MED23: variants seen among roughly 807,000 people sequenced by gnomAD.
MED23 encodes the protein mediator complex subunit 23.
A neutral mutation model predicts 163.9 loss-of-function variants in MED23; 105 were observed. The ratio of observed to expected loss-of-function variants is 0.64; its 90% CI spans 0.55 to 0.75. The LOEUF (loss-of-function observed/expected upper bound fraction) is 0.75, where lower values mean the gene tolerates loss of function less well. Among genes scored for constraint, MED23 ranks in the 30% least tolerant of loss-of-function variants. The pLI, the probability that MED23 is intolerant of heterozygous loss-of-function variation, is 0.00. For synonymous variants in MED23, 561 were observed against 565.6 expected (o/e 0.99, Z 0.12); for missense variants, 1,054 against 1,649.0 (o/e 0.64, Z 6.25).
chr6:131,588,503 T>A (rs550981162), intron 28 of MED23, among the ~76,000 whole-genome samples: 9 of 152,288 alleles, frequency 5.9e-5, no homozygotes, highest in South Asian at 2.1e-4. Flanking sequence ...ATACTTTTTT[T>A]AAAAAAACAA....
chr6:131,615,243 G>A (rs1481810286), intron 10 of MED23: 14 of 1,510,156 alleles, frequency 9.3e-6, no homozygotes, highest in African/African-American at 2.8e-5. Context: ...GACCATACAC[G>A]TATTCTCTAA....
At chr6:131,579,957 T>A (rs1773836162) in intron 30 of MED23, among the ~76,000 whole-genome samples, 1 of 152,170 alleles carries the variant, frequency 6.6e-6, no homozygotes, top group South Asian at 2.1e-4. Context: ...ATCATAAGCA[T>A]CAGTTTTTTA....
chr6:131,606,331 G>C lies in MED23; in HGVS notation c.1367+148C>G, dbSNP rs147529768. The C allele has an allele frequency of 5.0e-4, 364 of 735,314 alleles. 2 individuals carry two copies. In the East Asian group the frequency reaches 9.0e-3, roughly 18 times the overall value. 45.5% of individuals were successfully genotyped at this position (735,314 alleles called of 1,614,324 possible). A position where few individuals can be genotyped will look rare whatever the true frequency, so the allele number is the denominator to read the frequency against. On this transcript the variant is annotated intron_variant, in intron 13 of 28. Coordinates refer to ENST00000368068, the MANE Select transcript of MED23 (RefSeq NM_004830.4). ...ATATAGGTACTGGTCAGATTCTCCT[G>C]CTATGACATATACATCAAGTATTTG...
intron 3 of MED23, among the ~76,000 whole-genome samples, chr6:131,626,708 A>G (rs535132868): frequency 5.3e-5 from 8 of 152,294 alleles, no homozygotes; most frequent in African/African-American, 1.9e-4. Flanking sequence ...CTATTAGAAA[A>G]CAACTAAACA....
At chr6:131,627,329 G>GAAAAAA (rs60163644) in intron 3 of MED23, 67 bp downstream of exon 3, 298 of 874,772 alleles carry the variant, frequency 3.4e-4, no homozygotes, top group East Asian at 1.1e-3. Flanking sequence ...AATGTTAAAA[G>GAAAAAA]AAAAAAAAAA....
At chr6:131,603,892 C>A (rs1165381154) in intron 15 of MED23, among the ~76,000 whole-genome samples, 1 of 152,190 alleles carries the variant, frequency 6.6e-6, no homozygotes, top group African/African-American at 2.4e-5. Flanking sequence ...CCAGGTCTAT[C>A]CTGCTCACTG....
At chr6:131,591,925 C>T (rs1774671575) in intron 25 of MED23, 1 of 231,988 alleles carries the variant, frequency 4.3e-6, no homozygotes, top group South Asian at 6.9e-5. Context: ...AGAAAGGAGG[C>T]TCTAAGCTAG....
intron 28 of MED23, among the ~76,000 whole-genome samples, chr6:131,588,763 G>A (rs913546147): frequency 6.6e-6 from 1 of 152,032 alleles, no homozygotes; most frequent in Non-Finnish European, 1.5e-5. Flanking sequence ...TTTCCTACAC[G>A]TAGGAAACTC....
At position 131,619,910 on chromosome 6, in the gene MED23, G is replaced by T. The variant is rs1562402931; in HGVS notation, c.598-14C>A. The stretch of plus-strand genomic sequence containing the variant: ...GTTTCCAAGTAACTAAAGAGAGAAA[G>T]AAAGAGGGAAGTCAAATAAATACGT... On this transcript the variant is annotated splice_polypyrimidine_tract_variant and intron_variant, in intron 7 of 28. Transcript: ENST00000368068. The T allele has an allele frequency of 4.4e-6, 7 of 1,580,376 alleles. No individual in the cohort carries two copies. The South Asian group carries it at 7.7e-5, about 17-fold the overall frequency.
chr6:131,582,575 G>A, downstream of MED23: 1 of 1,447,078 alleles, frequency 6.9e-7, no homozygotes, highest in Non-Finnish European at 9.7e-7. Context: ...TGTAGGATTT[G>A]TTCAAGAGAA....
chr6:131,579,480 A>G, intron 30 of MED23: 1 of 545,056 alleles, frequency 1.8e-6, no homozygotes, highest in Non-Finnish European at 3.2e-6. Context: ...GTCTTACAAT[A>G]TCTGTATTTT....
At position 131,609,551 on chromosome 6, in the gene MED23, C is replaced by T. The variant is rs1337440577; in HGVS notation, c.1077+495G>A. Among the ~76,000 whole-genome samples the T allele has an allele frequency of 7.6e-5, 10 of 131,996 alleles. No homozygotes were observed. The East Asian group carries it at 8.8e-4, about 12-fold the overall frequency. 86.6% of individuals were successfully genotyped at this position (131,996 alleles called of 152,430 possible). On this transcript the variant is annotated intron_variant, in intron 11 of 28. Transcript: ENST00000368068. ...TTTTTGACACAGAGTCTCGCTCTGT[C>T]GCCGAGGCTGGAGTGCAGTCGTGTG... is the stretch of plus-strand genomic sequence containing the variant.
At chr6:131,595,184 A>G (rs1774957195) in intron 22 of MED23, among the ~76,000 whole-genome samples, 1 of 152,194 alleles carries the variant, frequency 6.6e-6, no homozygotes. Flanking sequence ...ACTCTCCAGT[A>G]ACTATGCTTA....
At chr6:131,576,213 T>C (rs757415342) in intron 30 of MED23, among the ~76,000 whole-genome samples, 135 of 152,350 alleles carry the variant, frequency 8.9e-4, no homozygotes, top group Non-Finnish European at 5.7e-4. Context: ...GAAGCAGCTA[T>C]GTATTGAAAC....
Position 131,598,154 on chromosome 6 carries a change from G to A in MED23, c.2607+133C>T. 1.1e-6 allele frequency: 1 copy of A among 930,410 alleles called. No individual in the cohort carries two copies. The highest frequency in any genetic ancestry group is 1.6e-6 in the Non-Finnish European group (1 of 610,424). The allele number at this position is 930,410 out of a possible 1,614,324, so 57.6% of individuals were successfully genotyped here. On this transcript the variant is annotated intron_variant, in intron 20 of 28. Transcript: ENST00000368068. The surrounding 1 kb of genome is among the most constrained non-coding windows in gnomAD (Gnocchi z 4.7). ...ATTGGAAAATTTCCGGCTCTTTAGG[G>A]AAGTGACAGCAATGCTTGATATAGT...
intron 4 of MED23, among the ~76,000 whole-genome samples, chr6:131,623,951 A>G (rs1488847542): frequency 6.6e-6 from 1 of 152,254 alleles, no homozygotes; most frequent in Non-Finnish European, 1.5e-5. Flanking sequence ...AAGCACACTT[A>G]TAAATCTGTG....
At chr6:131,611,086 A>T (rs879776479) in intron 10 of MED23, among the ~76,000 whole-genome samples, 2 of 152,202 alleles carry the variant, frequency 1.3e-5, no homozygotes, top group Non-Finnish European at 2.9e-5. Context: ...TCCTTTATAA[A>T]TATGTTATAT....
chr6:131,586,740 C>A lies in MED23; in HGVS notation c.*939G>T. 3 of 1,449,438 alleles carry A rather than the reference C, an allele frequency of 2.1e-6. No homozygotes were observed. The South Asian group carries it at 3.7e-5, about 18-fold the overall frequency. The allele number at this position is 1,449,438 out of a possible 1,614,324, so 89.8% of individuals were successfully genotyped here. A position where few individuals can be genotyped will look rare whatever the true frequency, so the allele number is the denominator to read the frequency against. ...CACTCATTCCAATGGAGTCGGGAAA[C>A]AATCACACGGTTTATTCATTCAGCA... On this transcript the variant is annotated 3_prime_UTR_variant, in exon 29 of 29. Transcript: ENST00000368068.
At chr6:131,612,830 T>A (rs1311030649) in intron 10 of MED23, among the ~76,000 whole-genome samples, 2 of 152,122 alleles carry the variant, frequency 1.3e-5, no homozygotes, top group East Asian at 3.8e-4. Context: ...CTATTTCAAA[T>A]GGCAAATGAT....
Sources: allele counts gnomAD v4.1 joint callset (sites outside exome capture counted in the v4.1 genomes callset), GRCh38; gene constraint gnomAD v4.1.1; non-coding constraint Gnocchi (gnomAD v3.1); transcripts MANE v1.5; gene names NCBI Gene and HGNC (gene_info 2026-07-23, HGNC 2026-07-21).